The following SOX6 variants were observed in gnomAD, a reference collection of about 807,000 sequenced individuals.
The protein encoded by SOX6 is SRY-box transcription factor 6, also known as transcription factor SOX-6.
SOX6 carries 11 observed loss-of-function variants against 97.8 expected under a neutral mutation model. That is an observed-to-expected ratio of 0.11 (90% CI 0.07 to 0.19). The LOEUF (loss-of-function observed/expected upper bound fraction) is 0.19. SOX6 is among the 10% of genes least tolerant of loss of function. The probability of loss-of-function intolerance (pLI) is 1.00; values close to 1 mark genes in which losing one functional copy is unlikely to be tolerated. For synonymous variants in SOX6, 360 were observed against 371.4 expected (o/e 0.97, Z 0.35); for missense variants, 810 against 1,039.5 (o/e 0.78, Z 3.04).
chr11:16,219,553 T>C (rs1287210798), intron 4 of SOX6, among the ~76,000 whole-genome samples: 1 of 152,070 alleles, frequency 6.6e-6, no homozygotes, highest in Non-Finnish European at 1.5e-5. Context: ...ATTTCCTCAG[T>C]GCATTAAATA....
At chr11:16,645,492 A>G (rs1488309774) in intron 3 of SOX6, among the ~76,000 whole-genome samples, 1 of 152,228 alleles carries the variant, frequency 6.6e-6, no homozygotes, top group Non-Finnish European at 1.5e-5. Flanking sequence ...CTAAACATAA[A>G]GACCTCAGAA....
intron 3 of SOX6, among the ~76,000 whole-genome samples, chr11:16,302,326 C>T (rs1002175058): frequency 6.6e-6 from 1 of 152,134 alleles, no homozygotes; most frequent in African/African-American, 2.4e-5. Flanking sequence ...CATATTGTTT[C>T]AGTTGTGTCT....
At chr11:16,221,828 T>C (rs7115128) in intron 4 of SOX6, among the ~76,000 whole-genome samples, 145,820 of 152,144 alleles carry the variant, frequency 0.96, 70,173 homozygotes, top group East Asian at 1. Context: ...AAAAGAGTTA[T>C]ACACAATGTT....
chr11:16,585,786 A>G (rs1848085787), intron 4 of SOX6, among the ~76,000 whole-genome samples: 1 of 149,644 alleles, frequency 6.7e-6, no homozygotes, highest in Non-Finnish European at 1.5e-5. Flanking sequence ...AGGCTCAAGC[A>G]GTCCTCCCAC....
rs2133980707 is a variant in SOX6, at chr11:16,607,562, C to G, written n.609+4519G>C. The G allele has an allele frequency of 6.6e-6, 1 of 152,550 alleles. No homozygotes were observed. The highest frequency in any genetic ancestry group is 1.5e-5 in the Non-Finnish European group (1 of 68,200). The allele number at this position is 152,550 out of a possible 1,614,324, so 9.4% of individuals were successfully genotyped here. ...CGTTAACTCAAGTCTGCGGGGGTGT[C>G]CCGCCCCGGGTGGGGGCAGCGCAGA... On this transcript the variant is annotated intron_variant and non_coding_transcript_variant, in intron 4 of 5. Transcript: ENST00000524520. The surrounding 1 kb of genome is among the most constrained non-coding windows in gnomAD (Gnocchi z 6.5).
chr11:16,547,658 G>C (rs1212706521), intron 4 of SOX6, among the ~76,000 whole-genome samples: 1 of 152,088 alleles, frequency 6.6e-6, no homozygotes, highest in Non-Finnish European at 1.5e-5. Context: ...AGAATGAGAA[G>C]TTGGTTAATG....
chr11:16,466,804 G>A (rs1368413753), intron 1 of SOX6, among the ~76,000 whole-genome samples: 1 of 148,758 alleles, frequency 6.7e-6, no homozygotes, highest in African/African-American at 2.4e-5. Flanking sequence ...AGTGGCGGGC[G>A]CCTGTAGTCC....
intron 1 of SOX6, among the ~76,000 whole-genome samples, chr11:16,363,254 C>T (rs1857255139): frequency 6.6e-6 from 1 of 152,104 alleles, no homozygotes; most frequent in Non-Finnish European, 1.5e-5. Flanking sequence ...GCTTAGCACT[C>T]AATAAAGGTT....
At chr11:16,548,511 T>A (rs1847645124) in intron 4 of SOX6, among the ~76,000 whole-genome samples, 1 of 152,130 alleles carries the variant, frequency 6.6e-6, no homozygotes, top group African/African-American at 2.4e-5. Flanking sequence ...CATAAAACTA[T>A]AAAATTTCTA....
chr11:16,416,348 A>G (rs1858926543), intron 1 of SOX6, among the ~76,000 whole-genome samples: 1 of 152,234 alleles, frequency 6.6e-6, no homozygotes, highest in African/African-American at 2.4e-5. Flanking sequence ...AGAATTTTCC[A>G]AGAAGTCTCT....
intron 3 of SOX6, among the ~76,000 whole-genome samples, chr11:16,713,694 G>C (rs374615002): frequency 1.3e-5 from 2 of 152,104 alleles, no homozygotes; most frequent in African/African-American, 4.8e-5. Context: ...ATCCTACACT[G>C]CCTACTTTCA....
chr11:16,245,220 A>T (rs894687810), intron 3 of SOX6, among the ~76,000 whole-genome samples: 1 of 151,656 alleles, frequency 6.6e-6, no homozygotes, highest in Non-Finnish European at 1.5e-5. Flanking sequence ...TATGTGGTTT[A>T]ATTGCCAAAT....
chr11:16,046,388 A>G (rs1855831318), intron 12 of SOX6, 126 bp downstream of exon 12: 2 of 953,974 alleles, frequency 2.1e-6, no homozygotes, highest in Non-Finnish European at 1.7e-6. Context: ...AGTAAAGTAC[A>G]AGACAGCCCT....
chr11:16,015,517 A>G (rs565717736), intron 12 of SOX6, among the ~76,000 whole-genome samples: 1 of 152,038 alleles, frequency 6.6e-6, no homozygotes, highest in Non-Finnish European at 1.5e-5. Context: ...TCAAAAACAA[A>G]TATTTCAAAC....
At chr11:16,419,422 T>C (rs956256169) in intron 1 of SOX6, among the ~76,000 whole-genome samples, 2 of 152,138 alleles carry the variant, frequency 1.3e-5, no homozygotes, top group Non-Finnish European at 2.9e-5. Context: ...GGCAGTATTT[T>C]ATTACAATTA....
At chr11:16,199,039 T>G (rs2134124347) in intron 4 of SOX6, among the ~76,000 whole-genome samples, 2 of 152,322 alleles carry the variant, frequency 1.3e-5, no homozygotes, top group African/African-American at 4.8e-5. Flanking sequence ...GATTTTGTGC[T>G]CAGTAAATTT....
At chr11:16,155,521 T>G (rs1850574901) in intron 6 of SOX6, among the ~76,000 whole-genome samples, 1 of 152,254 alleles carries the variant, frequency 6.6e-6, no homozygotes, top group South Asian at 2.1e-4. Context: ...TGTGATGCCT[T>G]GGGCAAGTTG....
At chr11:16,616,438 C>T (rs558499447) in intron 3 of SOX6, among the ~76,000 whole-genome samples, 75 of 152,100 alleles carry the variant, frequency 4.9e-4, no homozygotes, top group Middle Eastern at 6.8e-3. Context: ...TCTTTGGAAT[C>T]CCATACTATT....
At chr11:16,538,947 T>A (rs912711137) in intron 4 of SOX6, among the ~76,000 whole-genome samples, 3 of 152,014 alleles carry the variant, frequency 2.0e-5, no homozygotes, top group African/African-American at 4.8e-5. Flanking sequence ...ATATCCAGGA[T>A]TTGAACTCAG....
Sources: allele counts gnomAD v4.1 joint callset (sites outside exome capture counted in the v4.1 genomes callset), GRCh38; gene constraint gnomAD v4.1.1; non-coding constraint Gnocchi (gnomAD v3.1); transcripts MANE v1.5; gene names NCBI Gene and HGNC (gene_info 2026-07-23, HGNC 2026-07-21).